Variants in NALCN observed in about 807,000 individuals in gnomAD.
The protein encoded by NALCN is sodium leak channel, non-selective, also known as sodium leak channel NALCN.
A neutral mutation model predicts 225.3 loss-of-function variants in NALCN; 111 were observed. The ratio of observed to expected loss-of-function variants is 0.49; its 90% CI spans 0.42 to 0.58. The LOEUF is 0.58. NALCN is among the 20% of genes least tolerant of loss of function. The probability of loss-of-function intolerance (pLI) is 0.00; values close to 1 mark genes in which losing one functional copy is unlikely to be tolerated. For synonymous variants in NALCN, 764 were observed against 769.0 expected (o/e 0.99, Z 0.11); for missense variants, 1,378 against 2,202.4 (o/e 0.63, Z 7.49).
chr13:101,398,874 G>A, intron 2 of NALCN, 145 bp downstream of exon 2: 2 of 570,278 alleles, frequency 3.5e-6, no homozygotes, highest in Non-Finnish European at 6.4e-6. Context: ...TCATTGGATT[G>A]TTCTCTACTT....
chr13:101,211,208 C>T (rs1352154690), intron 13 of NALCN, among the ~76,000 whole-genome samples: 2 of 152,026 alleles, frequency 1.3e-5, no homozygotes, highest in African/African-American at 4.8e-5. Flanking sequence ...AACAATGGAA[C>T]AGTCTGATTA....
intron 14 of NALCN, chr13:101,180,997 C>A: frequency 2.2e-6 from 1 of 456,112 alleles, no homozygotes; most frequent in Non-Finnish European, 4.4e-6. Flanking sequence ...GAAGCCCCAT[C>A]ATAAATTCAC....
intron 13 of NALCN, among the ~76,000 whole-genome samples, chr13:101,194,703 C>T (rs528651024): frequency 6.6e-6 from 1 of 152,224 alleles, no homozygotes; most frequent in Non-Finnish European, 1.5e-5. Context: ...AGGATCAATT[C>T]TCAAAAAGGA....
chr13:101,248,078 TG>T (rs2041954383), intron 11 of NALCN, among the ~76,000 whole-genome samples: 1 of 152,210 alleles, frequency 6.6e-6, no homozygotes, highest in African/African-American at 2.4e-5. Flanking sequence ...GATGGACATT[TG>T]GGTTGATTCC....
rs567051057 is a variant in NALCN at position 101,362,336 on chromosome 13, G to A, written c.644+14364C>T. On this transcript the variant is annotated intron_variant, in intron 6 of 43. Transcript: ENST00000251127. ...ACAGAAGTTTCTCAAATGGTAAAAC[G>A]TACATAGGCTTGGAAGTTAGACTTG... 6.4e-4 allele frequency among the ~76,000 whole-genome samples: 98 copies of A among 152,062 alleles called. 1 individual carries two copies. The highest frequency in any genetic ancestry group is 2.2e-3 in the African/African-American group (92 of 41,524).
chr13:101,341,854 A>C (rs773917481), intron 7 of NALCN, among the ~76,000 whole-genome samples: 1 of 152,146 alleles, frequency 6.6e-6, no homozygotes, highest in African/African-American at 2.4e-5. Flanking sequence ...GTGTGATTAG[A>C]TCATGAAGGT....
chr13:101,173,927 A>T lies in NALCN; in HGVS notation c.1839+2373T>A, dbSNP rs146944249. The stretch of plus-strand genomic sequence containing the variant: ...TGACCACATGTGTATATGAAAGTGA[A>T]TGCATGAGAATGTGTGTGTTTTTAA... On this transcript the variant is annotated intron_variant, in intron 15 of 43. Transcript: ENST00000251127. Among the ~76,000 whole-genome samples the T allele has an allele frequency of 2.2e-3, 334 of 152,352 alleles. 1 individual carries two copies. The highest frequency in any genetic ancestry group is 7.7e-3 in the African/African-American group (322 of 41,594).
chr13:101,072,573 C>G (rs563189031), intron 37 of NALCN, among the ~76,000 whole-genome samples: 1 of 152,044 alleles, frequency 6.6e-6, no homozygotes, highest in Non-Finnish European at 1.5e-5. Flanking sequence ...TTAAATTTTG[C>G]CTTGTATTCT....
At chr13:101,129,683 C>G (rs1236884220) in intron 17 of NALCN, among the ~76,000 whole-genome samples, 1 of 148,166 alleles carries the variant, frequency 6.7e-6, no homozygotes, top group African/African-American at 2.5e-5. Context: ...TGGGTTTATT[C>G]TGATGTTTTC....
rs751874776 is a variant in NALCN at position 101,143,074 on chromosome 13, T to A, written c.2118+6A>T. Reference sequence around the variant, plus strand: ...AAGCCTGGTTATTCGAAACAGCAGATCTTACTTTTTGGTCGATGTATTTGT... The same window carrying A: ...AAGCCTGGTTATTCGAAACAGCAGAACTTACTTTTTGGTCGATGTATTTGT... On this transcript the variant is annotated splice_donor_region_variant and intron_variant, in intron 17 of 43. Coordinates refer to ENST00000251127, the MANE Select transcript of NALCN (RefSeq NM_052867.4). 106 of 1,613,990 alleles carry A rather than the reference T, an allele frequency of 6.6e-5. No homozygotes were observed. The highest frequency in any genetic ancestry group is 8.3e-5 in the Non-Finnish European group (98 of 1,179,994).
chr13:101,179,441 A>G (rs1422166026), intron 14 of NALCN, among the ~76,000 whole-genome samples: 1 of 152,236 alleles, frequency 6.6e-6, no homozygotes, highest in Admixed American at 6.5e-5. Flanking sequence ...CTACAAATGA[A>G]TTGAATTTGG....
At chr13:101,252,551 T>A (rs1192956005) in intron 11 of NALCN, among the ~76,000 whole-genome samples, 1 of 152,074 alleles carries the variant, frequency 6.6e-6, no homozygotes. Context: ...TGATGACAAG[T>A]TGGGGAGATA....
chr13:101,082,024 C>T (rs1379618859), intron 33 of NALCN, among the ~76,000 whole-genome samples: 1 of 152,046 alleles, frequency 6.6e-6, no homozygotes, highest in Admixed American at 6.5e-5. Flanking sequence ...ATTATAGGCA[C>T]GTGCAACCAC....
intron 9 of NALCN, among the ~76,000 whole-genome samples, chr13:101,284,549 G>T (rs2043274946): frequency 6.6e-6 from 1 of 152,174 alleles, no homozygotes; most frequent in African/African-American, 2.4e-5. Flanking sequence ...TAAGAAGTGT[G>T]CGTGTGGCAT....
At chr13:101,349,194 T>G (rs2045834406) in intron 6 of NALCN, among the ~76,000 whole-genome samples, 1 of 152,202 alleles carries the variant, frequency 6.6e-6, no homozygotes, top group African/African-American at 2.4e-5. Context: ...AGTATCTACT[T>G]GTAATCTCCC....
At chr13:101,289,837 C>A (rs1333349986) in intron 9 of NALCN, among the ~76,000 whole-genome samples, 3 of 152,154 alleles carry the variant, frequency 2.0e-5, no homozygotes, top group Admixed American at 2.0e-4. Flanking sequence ...TCATATTTTA[C>A]AAACATAATA....
At chr13:101,062,210 G>A in intron 40 of NALCN, 92 bp from the exon 41 acceptor site, 1 of 1,426,192 alleles carries the variant, frequency 7.0e-7, no homozygotes, top group Non-Finnish European at 9.5e-7. Flanking sequence ...ACATCACTCA[G>A]TCTAATAAGT....
At position 101,364,767 on chromosome 13, in the gene NALCN, T is replaced by C. The variant is rs138867317; in HGVS notation, c.644+11933A>G. ...TGTTCCCAGTATTAAGAAAAATGTT[T>C]CAGGTGATGGATATGCCAATTGCCC... is the stretch of plus-strand genomic sequence containing the variant. On this transcript the variant is annotated intron_variant, in intron 6 of 43. Transcript: ENST00000251127. Among the ~76,000 whole-genome samples the C allele has an allele frequency of 3.0e-3, 459 of 152,280 alleles. 1 individual carries two copies. Among genetic ancestry groups the C allele is most frequent in the African/African-American group, 0.01 (421 of 41,566 alleles).
intron 7 of NALCN, among the ~76,000 whole-genome samples, chr13:101,339,795 T>C (rs1198736479): frequency 6.6e-6 from 1 of 152,154 alleles, no homozygotes; most frequent in Non-Finnish European, 1.5e-5. Context: ...TAAATGTTGA[T>C]CAGATTCTAG....
Sources: gnomAD v4.1 joint callset for allele counts (sites outside exome capture counted in the v4.1 genomes callset) on GRCh38, gnomAD v4.1.1 for gene constraint, MANE v1.5 for transcripts, NCBI Gene and HGNC (gene_info 2026-07-23, HGNC 2026-07-21) for gene names.